The following MBTPS1 variants were observed in gnomAD, a reference collection of about 807,000 sequenced individuals.
The protein encoded by MBTPS1 is membrane-bound transcription factor site-1 protease.
In MBTPS1, 94 loss-of-function variants were observed where a neutral mutation model predicts 127.8. That is an observed-to-expected ratio of 0.74 (90% CI 0.62 to 0.87). The LOEUF (loss-of-function observed/expected upper bound fraction) is 0.87, where lower values mean the gene tolerates loss of function less well. Among genes scored for constraint, MBTPS1 ranks in the 40% least tolerant of loss-of-function variants. The pLI is 0.00. For synonymous variants in MBTPS1, 632 were observed against 509.4 expected, an observed-to-expected ratio of 1.24 and a Z score of -3.24; for missense variants, 1,636 against 1,353.2, an observed-to-expected ratio of 1.21 and a Z score of -3.28.
At chr16:84,072,363 T>C (rs2085782913) in intron 12 of MBTPS1, among the ~76,000 whole-genome samples, 1 of 152,116 alleles carries the variant, frequency 6.6e-6, no homozygotes, top group African/African-American at 2.4e-5. Context: ...TTAGGGAATG[T>C]TCCTGAAGGA....
chr16:84,114,388 T>C (rs1402788981), intron 1 of MBTPS1, among the ~76,000 whole-genome samples: 1 of 151,990 alleles, frequency 6.6e-6, no homozygotes, highest in Non-Finnish European at 1.5e-5. Flanking sequence ...CAGTCAAGAG[T>C]GAGAAACCTT....
At chr16:84,107,730 G>T (rs959253615) in intron 1 of MBTPS1, among the ~76,000 whole-genome samples, 1 of 148,820 alleles carries the variant, frequency 6.7e-6, no homozygotes, top group Non-Finnish European at 1.5e-5. Flanking sequence ...TTTGAGACAG[G>T]GTCCCGCTTG....
In MBTPS1 at chr16:84,101,809, A is replaced by G; in HGVS notation, c.-26T>C. 2 of 1,590,948 alleles carry G rather than the reference A, an allele frequency of 1.3e-6. No individual in the cohort carries two copies. The highest frequency in any genetic ancestry group is 1.7e-6 in the Non-Finnish European group (2 of 1,166,984). ...GGTCACAAGCGAATATGATCATAAA[A>G]TTGCATATATTCAAATCACACTTTT... On this transcript the variant is annotated 5_prime_UTR_variant, in exon 2 of 23. Transcript: ENST00000343411.
chr16:84,079,658 T>C (rs181501745), intron 11 of MBTPS1, among the ~76,000 whole-genome samples: 1 of 152,312 alleles, frequency 6.6e-6, no homozygotes. Context: ...GCCAGGCTTC[T>C]CACTGTTGGA....
At chr16:84,114,376 T>C (rs1389321553) in intron 1 of MBTPS1, among the ~76,000 whole-genome samples, 2 of 152,204 alleles carry the variant, frequency 1.3e-5, no homozygotes, top group East Asian at 1.9e-4. Flanking sequence ...AATGTATCAC[T>C]ACAGTCAAGA....
At chr16:84,105,631 A>T (rs376969663) in intron 1 of MBTPS1, among the ~76,000 whole-genome samples, 10 of 152,154 alleles carry the variant, frequency 6.6e-5, no homozygotes, top group African/African-American at 2.4e-4. Context: ...GCCCAGCCTG[A>T]GGAGGGAGGC....
intron 13 of MBTPS1, 129 bp downstream of exon 13, chr16:84,070,459 G>A (rs2085753530): frequency 1.1e-6 from 1 of 893,058 alleles, no homozygotes. Context: ...ACCATCAATT[G>A]TGGCCATCGA....
chr16:84,070,895 G>A (rs1014611417), intron 12 of MBTPS1, 119 bp from the exon 13 acceptor site: 12 of 744,652 alleles, frequency 1.6e-5, no homozygotes, highest in African/African-American at 1.4e-4. Flanking sequence ...CACTAAATAG[G>A]GAAAAATAAA....
intron 11 of MBTPS1, chr16:84,075,090 A>T (rs780815227): frequency 7.4e-5 from 12 of 162,398 alleles, no homozygotes; most frequent in Non-Finnish European, 9.4e-5. Context: ...ACACGTACAC[A>T]TGTCAATGCA....
chr16:84,113,969 T>G (rs2086433621), intron 1 of MBTPS1, among the ~76,000 whole-genome samples: 1 of 150,354 alleles, frequency 6.7e-6, no homozygotes, highest in African/African-American at 2.5e-5. Flanking sequence ...TTTTTTTTTT[T>G]TTTTTTCTTT....
At chr16:84,093,690 C>T (rs1393068060) in intron 5 of MBTPS1, 21 bp downstream of exon 5, 1 of 1,529,246 alleles carries the variant, frequency 6.5e-7, no homozygotes, top group Non-Finnish European at 9.1e-7. Flanking sequence ...TGACCACGTT[C>T]TCACTGCTGC....
At chr16:84,116,691 A>T (rs1434729376) in intron 1 of MBTPS1, 44 bp downstream of exon 1, 1 of 151,906 alleles carries the variant, frequency 6.6e-6, no homozygotes, top group African/African-American at 2.4e-5. Flanking sequence ...CGCCGCCGCT[A>T]GGCGGAGCGG....
intron 16 of MBTPS1, among the ~76,000 whole-genome samples, chr16:84,067,248 A>C (rs1465040511): frequency 6.6e-6 from 1 of 152,218 alleles, no homozygotes; most frequent in Non-Finnish European, 1.5e-5. Context: ...AAGGAAAGAC[A>C]ATGAACCCTC....
At chr16:84,086,237 T>C (rs1022011627) in intron 9 of MBTPS1, 1 of 152,226 alleles carries the variant, frequency 6.6e-6, no homozygotes, top group Admixed American at 6.5e-5. Flanking sequence ...GCCATGGACG[T>C]GACATCTCAT....
chr16:84,088,509 G>C (rs1481391837), intron 8 of MBTPS1, among the ~76,000 whole-genome samples: 2 of 152,132 alleles, frequency 1.3e-5, no homozygotes, highest in African/African-American at 2.4e-5. Flanking sequence ...CACTGAAGTT[G>C]ACCAAAAAAA....
chr16:84,072,810 C>T (rs2085791782), intron 12 of MBTPS1, among the ~76,000 whole-genome samples: 1 of 152,084 alleles, frequency 6.6e-6, no homozygotes, highest in African/African-American at 2.4e-5. Flanking sequence ...GCAAATCACC[C>T]AGTGAAGGTG....
rs545946340 is a variant in MBTPS1, at chr16:84,099,708, C to T, written c.164-398G>A. On this transcript the variant is annotated intron_variant, in intron 2 of 22. Transcript: ENST00000343411. ...AGGAGAATCACTTGAACCTGGGAGG[C>T]GGAGATTGCAGTAAGCAGAGATTGC... 3.8e-4 allele frequency among the ~76,000 whole-genome samples: 56 copies of T among 148,924 alleles called. No individual in the cohort carries two copies. The South Asian group carries it at 9.7e-3, about 26-fold the overall frequency.
chr16:84,099,307 T>C lies in MBTPS1; in HGVS notation c.167A>G (p.Tyr56Cys). 6.2e-7 allele frequency: 1 copy of C among 1,613,476 alleles called. No homozygotes were observed. The highest frequency in any genetic ancestry group is 8.5e-7 in the Non-Finnish European group (1 of 1,179,738). The change falls in exon 3 of 23, where the codon TAT (tyrosine) becomes TGT (cysteine). Residue 56 changes from tyrosine (Y) to cysteine (C), a missense_variant. Transcript: ENST00000343411. ...AAAGTATCCATTGAAAGCCACAATATATTCTGAAACCAATCACCACAAACA... is the reference window on the plus strand; with the variant it reads ...AAAGTATCCATTGAAAGCCACAATACATTCTGAAACCAATCACCACAAACA... ...EFSSTVVEYE[Y>C]IVAFNGYFTA...
At chr16:84,074,226 A>C in intron 12 of MBTPS1, among the ~76,000 whole-genome samples, 1 of 151,746 alleles carries the variant, frequency 6.6e-6, no homozygotes, top group Non-Finnish European at 1.5e-5. Flanking sequence ...TACCCTAGAC[A>C]GGGCTATTTC....
Sources: allele counts gnomAD v4.1 joint callset (sites outside exome capture counted in the v4.1 genomes callset), GRCh38; gene constraint gnomAD v4.1.1; transcripts MANE v1.5; gene names NCBI Gene and HGNC (gene_info 2026-07-23, HGNC 2026-07-21).